The following RAB27B variants were observed in gnomAD, a reference collection of about 807,000 sequenced individuals.
RAB27B encodes the protein RAB27B, member RAS oncogene family, also known as ras-related protein Rab-27B.
In RAB27B, 15 loss-of-function variants were observed where a neutral mutation model predicts 24.6. The ratio of observed to expected loss-of-function variants is 0.61; its 90% CI spans 0.41 to 0.94. The LOEUF (loss-of-function observed/expected upper bound fraction) is 0.94. Ranked by LOEUF, RAB27B falls within the 40% of genes least tolerant of loss-of-function variation. The pLI, the probability that RAB27B is intolerant of heterozygous loss-of-function variation, is 0.00. For synonymous variants in RAB27B, 105 were observed against 92.5 expected, an observed-to-expected ratio of 1.14 and a Z score of -0.78; for missense variants, 261 against 266.8, an observed-to-expected ratio of 0.98 and a Z score of 0.15.
At chr18:54,848,632 G>A (rs1269178571) in intron 1 of RAB27B, among the ~76,000 whole-genome samples, 1 of 152,168 alleles carries the variant, frequency 6.6e-6, no homozygotes, top group East Asian at 1.9e-4. Flanking sequence ...AAATGGAGAT[G>A]CAATTTGATT....
intron 4 of RAB27B, among the ~76,000 whole-genome samples, chr18:54,885,444 C>T (rs992820845): frequency 3.3e-5 from 5 of 152,154 alleles, no homozygotes; most frequent in East Asian, 1.9e-4. Flanking sequence ...ACTTGGGCCC[C>T]GTTCACTAGC....
chr18:54,732,798 T>C (rs1598864590), intron 2 of RAB27B, among the ~76,000 whole-genome samples: 1 of 152,186 alleles, frequency 6.6e-6, no homozygotes, highest in Admixed American at 6.5e-5. Flanking sequence ...AAGTTATTTA[T>C]ATTTCTACAG....
chr18:54,806,922 T>C (rs1909808313), intron 2 of RAB27B, among the ~76,000 whole-genome samples: 1 of 152,200 alleles, frequency 6.6e-6, no homozygotes, highest in South Asian at 2.1e-4. Context: ...TTTTTTTATT[T>C]TTTGAGATGG....
chr18:54,749,922 T>C (rs1014956963), intron 2 of RAB27B, among the ~76,000 whole-genome samples: 1 of 152,214 alleles, frequency 6.6e-6, no homozygotes, highest in South Asian at 2.1e-4. Flanking sequence ...TGTTTTGGAC[T>C]TTTAAAAATA....
intron 2 of RAB27B, among the ~76,000 whole-genome samples, chr18:54,758,635 TAAAAAA>T (rs58044123): frequency 7.1e-6 from 1 of 141,672 alleles, no homozygotes; most frequent in Admixed American, 7.0e-5. Context: ...CAAAAACAAT[TAAAAAA>T]AAAAAAAAAG....
In RAB27B at chr18:54,804,950, C is replaced by T. The variant is rs553834177; in HGVS notation, c.-19-72617C>T. Among the ~76,000 whole-genome samples, 6 of 129,256 alleles carry T rather than the reference C, an allele frequency of 4.6e-5. No homozygotes were observed. The South Asian group carries it at 1.3e-3, about 27-fold the overall frequency. 84.8% of individuals were successfully genotyped at this position (129,256 alleles called of 152,430 possible). ...TCTTTCTTTCTTTCTTTCTTTCTTT[C>T]TTTCTCTTTCTTTCTGCCTTCCTGC... is the stretch of plus-strand genomic sequence containing the variant. On this transcript the variant is annotated intron_variant, in intron 2 of 4. Transcript: ENST00000586570.
At position 54,853,053 on chromosome 18, in the gene RAB27B, A is replaced by G. The variant is rs74866829; in HGVS notation, c.-20+24353A>G. 4.3e-3 allele frequency among the ~76,000 whole-genome samples: 658 copies of G among 152,306 alleles called. 4 individuals are homozygous for G. The highest frequency in any genetic ancestry group is 0.015 in the African/African-American group (638 of 41,584). On this transcript the variant is annotated intron_variant, in intron 1 of 5. Coordinates refer to ENST00000262094, the MANE Select transcript of RAB27B (RefSeq NM_004163.4). ...AGGGAGGAGAGTAGGACGGAATTCT[A>G]TTCCTGGCTTAGCTGTTTTCCTCTG...
At chr18:54,763,700 G>C (rs1568056984) in intron 2 of RAB27B, among the ~76,000 whole-genome samples, 1 of 152,116 alleles carries the variant, frequency 6.6e-6, no homozygotes, top group Non-Finnish European at 1.5e-5. Flanking sequence ...GAATGTATTT[G>C]AAAAACTTTA....
intron 1 of RAB27B, among the ~76,000 whole-genome samples, chr18:54,868,239 C>T (rs1314399412): frequency 6.6e-6 from 1 of 152,152 alleles, no homozygotes; most frequent in East Asian, 1.9e-4. Context: ...CAGTCAGGAA[C>T]CTTGGCTGTG....
rs868157632 is a variant in RAB27B, at chr18:54,877,633, G to A, written c.48G>A (p.Gly16=). 2 of 1,592,380 alleles carry A rather than the reference G, an allele frequency of 1.3e-6. No individual in the cohort carries two copies. Among genetic ancestry groups the A allele is most frequent in the Non-Finnish European group, 8.5e-7 (1 of 1,173,674 alleles). Residue 16 remains glycine (G), a synonymous_variant, in exon 2 of 6, where the codon GGG becomes GGA. Transcript: ENST00000262094. Reference sequence around the variant, plus strand: ...ATCTGATCAAACTCCTGGCCCTCGGGGATTCAGGGGTGGGGAAGACAACAT... The same window carrying A: ...ATCTGATCAAACTCCTGGCCCTCGGAGATTCAGGGGTGGGGAAGACAACAT... ...YDYLIKLLAL[G]DSGVGKTTFL... is the part of the protein sequence containing the mutation.
chr18:54,754,244 T>G (rs1301792113), intron 2 of RAB27B, among the ~76,000 whole-genome samples: 1 of 152,114 alleles, frequency 6.6e-6, no homozygotes, highest in Non-Finnish European at 1.5e-5. Flanking sequence ...TTGTTCTCTC[T>G]CTCGTCACCA....
At chr18:54,797,195 A>G (rs1909449101) in intron 2 of RAB27B, among the ~76,000 whole-genome samples, 1 of 152,208 alleles carries the variant, frequency 6.6e-6, no homozygotes, top group Admixed American at 6.5e-5. Flanking sequence ...AATTGTTTCT[A>G]GGGAATCACA....
chr18:54,828,404 C>G (rs1205700435), upstream of RAB27B: 2 of 152,230 alleles, frequency 1.3e-5, no homozygotes, highest in Non-Finnish European at 2.9e-5. Flanking sequence ...TGCAGACACG[C>G]CTTCTTCTCA....
intron 2 of RAB27B, among the ~76,000 whole-genome samples, chr18:54,796,934 G>A (rs1378976510): frequency 6.6e-6 from 1 of 152,188 alleles, no homozygotes; most frequent in African/African-American, 2.4e-5. Context: ...TCCTGAGCAA[G>A]ATGTAAAGAC....
chr18:54,893,284 A>T lies in RAB27B; in HGVS notation c.*3871A>T, dbSNP rs969271525. ...GATGTATAATCTAAAACTCAACAAT[A>T]AAGAAATAATATTCCAAGTCTCTGG... On this transcript the variant is annotated 3_prime_UTR_variant, in exon 6 of 6. Coordinates refer to ENST00000262094, the MANE Select transcript of RAB27B (RefSeq NM_004163.4). 6.6e-6 allele frequency: 1 copy of T among 152,050 alleles called. No homozygotes were observed. Among genetic ancestry groups the T allele is most frequent in the Non-Finnish European group, 1.5e-5 (1 of 67,940 alleles). 9.4% of individuals were successfully genotyped at this position (152,050 alleles called of 1,614,324 possible).
chr18:54,887,917 G>C, intron 4 of RAB27B, 78 bp from the exon 5 acceptor site: 1 of 1,514,240 alleles, frequency 6.6e-7, no homozygotes. Context: ...AATTAGATCA[G>C]GAATCTGGAA....
At chr18:54,757,446 A>G (rs1908042422) in intron 2 of RAB27B, among the ~76,000 whole-genome samples, 1 of 152,190 alleles carries the variant, frequency 6.6e-6, no homozygotes, top group Non-Finnish European at 1.5e-5. Context: ...ACTATAAACT[A>G]TTTCATCTTA....
upstream of RAB27B, among the ~76,000 whole-genome samples, chr18:54,823,949 C>A (rs1354505447): frequency 1.3e-5 from 2 of 150,764 alleles, no homozygotes; most frequent in Non-Finnish European, 2.9e-5. Flanking sequence ...GTCTTAATCC[C>A]CACAGGCAAA....
At chr18:54,832,812 G>C (rs748448444) in intron 1 of RAB27B, among the ~76,000 whole-genome samples, 5 of 152,164 alleles carry the variant, frequency 3.3e-5, no homozygotes, top group Non-Finnish European at 5.9e-5. Context: ...GGACAGAGAA[G>C]TGATGATTGC....
Sources: gnomAD v4.1 joint callset for allele counts (sites outside exome capture counted in the v4.1 genomes callset) on GRCh38, gnomAD v4.1.1 for gene constraint, MANE v1.5 for transcripts, NCBI Gene and HGNC (gene_info 2026-07-23, HGNC 2026-07-21) for gene names.